Variants in XPO5 observed in about 807,000 individuals in gnomAD.
The protein encoded by XPO5 is exportin 5, also known as exportin-5.
In XPO5, 46 loss-of-function variants were observed where a neutral mutation model predicts 160.6. The ratio of observed to expected loss-of-function variants is 0.29; its 90% CI spans 0.23 to 0.37. The LOEUF (loss-of-function observed/expected upper bound fraction) is 0.37. Ranked by LOEUF, XPO5 falls within the 10% of genes least tolerant of loss-of-function variation. XPO5 has a pLI of 1.00. For missense variants in XPO5, 1,090 were observed against 1,463.9 expected (o/e 0.74, Z 4.17); for synonymous variants, 537 against 519.3 (o/e 1.03, Z -0.46).
At chr6:43,573,441 T>C in intron 2 of XPO5, 39 bp downstream of exon 2, 1 of 1,610,040 alleles carries the variant, frequency 6.2e-7, no homozygotes, top group East Asian at 2.2e-5. Context: ...AAAGATCTGT[T>C]CTCTCAGACT....
At chr6:43,529,069 A>C in intron 23 of XPO5, 144 bp from the exon 24 acceptor site, 1 of 1,107,886 alleles carries the variant, frequency 9.0e-7, no homozygotes, top group Non-Finnish European at 1.3e-6. Flanking sequence ...AAAAAATCTT[A>C]AAGTTCTTTT....
intron 7 of XPO5, chr6:43,566,510 T>C (rs1735154024): frequency 5.9e-6 from 1 of 169,920 alleles, no homozygotes; most frequent in Non-Finnish European, 1.3e-5. Flanking sequence ...TTCCATTGGT[T>C]AGCCAAGACA....
Position 43,547,721 on chromosome 6 carries a change from G to A in XPO5, c.2061-14C>T. ...TCTGACAGCACTCTGAAGGTTGGAG[G>A]GGGAAAAACAAGTTACATCATGACT... On this transcript the variant is annotated splice_polypyrimidine_tract_variant and intron_variant, in intron 18 of 31. Coordinates refer to ENST00000265351, the MANE Select transcript of XPO5 (RefSeq NM_020750.3). 1 of 1,611,332 alleles carries A rather than the reference G, an allele frequency of 6.2e-7. No homozygotes were observed. Among genetic ancestry groups the A allele is most frequent in the Non-Finnish European group, 8.5e-7 (1 of 1,177,646 alleles).
chr6:43,536,129 C>A (rs1475317318), intron 20 of XPO5, among the ~76,000 whole-genome samples: 1 of 147,500 alleles, frequency 6.8e-6, no homozygotes, highest in East Asian at 2.1e-4. Context: ...TCATTCGCTA[C>A]CCTGGCCAGG....
At position 43,524,014 on chromosome 6, in the gene XPO5, A is replaced by G; in HGVS notation, c.3478-9T>C. 6.2e-7 allele frequency: 1 copy of G among 1,610,696 alleles called. No homozygotes were observed. The highest frequency in any genetic ancestry group is 8.5e-7 in the Non-Finnish European group (1 of 1,179,678). ...TGCTCTCCCAAGGGTTTCTGTGGAA[A>G]ACAAATGAGAAAGAATTAATGCTGG... On this transcript the variant is annotated splice_polypyrimidine_tract_variant and intron_variant, in intron 31 of 31. Transcript: ENST00000265351.
At chr6:43,537,155 T>C (rs1030982427) in intron 20 of XPO5, among the ~76,000 whole-genome samples, 10 of 151,630 alleles carry the variant, frequency 6.6e-5, no homozygotes, top group Non-Finnish European at 1.3e-4. Flanking sequence ...TTTTTTTTTT[T>C]TGTAGAGAAA....
chr6:43,530,769 C>G lies in XPO5; in HGVS notation c.2596G>C (p.Glu866Gln). ...CTGAGAAGCTGGGTAGCAAGGTCCTCCACAGTATAGAAGTCTTGCTGCATG... is the reference window on the plus strand; with the variant it reads ...CTGAGAAGCTGGGTAGCAAGGTCCTGCACAGTATAGAAGTCTTGCTGCATG... ...PSMQQDFYTV[E>Q]DLATQLLSSA... Residue 866 changes from glutamate to glutamine, a missense_variant, in exon 23 of 32, where the codon GAG (glutamate) becomes CAG (glutamine). Glu to Gln is a conservative substitution (Grantham distance 29). Transcript: ENST00000265351. 6.2e-7 allele frequency: 1 copy of G among 1,613,894 alleles called. No homozygotes were observed. The highest frequency in any genetic ancestry group is 8.5e-7 in the Non-Finnish European group (1 of 1,179,878).
chr6:43,551,600 C>G, intron 14 of XPO5, 147 bp from the exon 15 acceptor site: 1 of 978,576 alleles, frequency 1.0e-6, no homozygotes, highest in East Asian at 2.5e-5. Context: ...TCATCACTCA[C>G]TGTAACCTCA....
chr6:43,572,510 G>A lies in XPO5; in HGVS notation c.296C>T (p.Ala99Val). The change falls in exon 3 of 32, where the codon GCA (alanine) becomes GTA (valine). Residue 99 changes from alanine (A) to valine (V), a missense_variant. Physicochemically the swap from Ala to Val is moderately conservative, Grantham distance 64. Transcript: ENST00000265351. Reference sequence around the variant, plus strand: ...TCCCAACCACCCATTCCTTACATTTGCAATCAGCTCCATGACACTGTTCTT... The same window carrying A: ...TCCCAACCACCCATTCCTTACATTTACAATCAGCTCCATGACACTGTTCTT... ...YLKNSVMELI[A>V]NGTLNILEEE... 1 of 1,613,774 alleles carries A rather than the reference G, an allele frequency of 6.2e-7. No individual in the cohort carries two copies. Among genetic ancestry groups the A allele is most frequent in the Non-Finnish European group, 8.5e-7 (1 of 1,179,832 alleles).
At chr6:43,552,302 C>T (rs904124042) in intron 14 of XPO5, among the ~76,000 whole-genome samples, 6 of 152,114 alleles carry the variant, frequency 3.9e-5, no homozygotes, top group Non-Finnish European at 8.8e-5. Context: ...AGGTGATCCA[C>T]CCACCTTAGC....
chr6:43,524,523 G>A lies in XPO5; in HGVS notation c.3425C>T (p.Ala1142Val). The A allele has an allele frequency of 6.2e-7, 1 of 1,613,950 alleles. No individual in the cohort carries two copies. The highest frequency in any genetic ancestry group is 8.5e-7 in the Non-Finnish European group (1 of 1,179,878). ...GAATTGGTCCTTTCGGCGCTTGTCA[G>A]CCACTTTCTGCAGGGAGGGGTTTAA... ...KLLNPSLQKVADKRRKDQFKR... is the reference protein window; with the variant it reads ...KLLNPSLQKVVDKRRKDQFKR... Residue 1142 changes from alanine (A) to valine (V), a missense_variant, in exon 31 of 32, where the codon GCT (alanine) becomes GTT (valine). Ala to Val is a moderately conservative substitution (Grantham distance 64). This residue lies in a region of XPO5 where 810 missense variants were observed against 1,139.0 expected (regional missense o/e 0.71). Transcript: ENST00000265351.
intron 20 of XPO5, among the ~76,000 whole-genome samples, chr6:43,541,585 C>T (rs1053270245): frequency 6.6e-6 from 1 of 152,180 alleles, no homozygotes; most frequent in Non-Finnish European, 1.5e-5. Context: ...AGTTGATCTA[C>T]ACTTTCTTCT....
At chr6:43,567,415 G>A in intron 6 of XPO5, 61 bp from the exon 7 acceptor site, 1 of 1,436,580 alleles carries the variant, frequency 7.0e-7, no homozygotes, top group Middle Eastern at 1.9e-4. Flanking sequence ...GGAATCAGTG[G>A]TTATAACTGA....
Position 43,525,092 on chromosome 6 carries a change from G to A in XPO5, c.3174+15C>T. The A allele has an allele frequency of 6.4e-7, 1 of 1,569,850 alleles. No homozygotes were observed. The highest frequency in any genetic ancestry group is 8.6e-7 in the Non-Finnish European group (1 of 1,156,940). On this transcript the variant is annotated intron_variant, in intron 29 of 31. Coordinates refer to ENST00000265351, the MANE Select transcript of XPO5 (RefSeq NM_020750.3). ...CCTTCCATGAGGGGCAGGGAAAAGG[G>A]GTGAATAACCATACTTGTTTGAGGA...
intron 14 of XPO5, among the ~76,000 whole-genome samples, chr6:43,552,028 G>GT (rs1033609418): frequency 3.9e-5 from 6 of 152,092 alleles, no homozygotes; most frequent in African/African-American, 1.4e-4. Context: ...CTTAAATTTT[G>GT]TATTTCTTCA....
In XPO5 at chr6:43,524,912, C is replaced by G; in HGVS notation, c.3231G>C (p.Leu1077=). ...DAVTWLFTSV[L]KGLQMHGQHD... The stretch of plus-strand genomic sequence containing the variant: ...GCTGCCCGTGCATCTGTAAGCCTTT[C>G]AGCACACTGGTGAAAAGCCACGTAA... Residue 1077 remains leucine, a synonymous_variant, in exon 30 of 32, where the codon CTG becomes CTC. Transcript: ENST00000265351. 6.2e-7 allele frequency: 1 copy of G among 1,614,012 alleles called. No homozygotes were observed. The highest frequency in any genetic ancestry group is 8.5e-7 in the Non-Finnish European group (1 of 1,179,898).
At chr6:43,543,320 G>A (rs1794793944) in intron 20 of XPO5, among the ~76,000 whole-genome samples, 1 of 152,118 alleles carries the variant, frequency 6.6e-6, no homozygotes, top group Non-Finnish European at 1.5e-5. Flanking sequence ...GGGCATGGCT[G>A]CTCATGGCTG....
chr6:43,527,733 T>C lies in XPO5; in HGVS notation c.2823-2A>G. The C allele has an allele frequency of 6.2e-7, 1 of 1,613,924 alleles. No homozygotes were observed. Among genetic ancestry groups the C allele is most frequent in the Non-Finnish European group, 8.5e-7 (1 of 1,179,862 alleles). On this transcript the variant is annotated splice_acceptor_variant, in intron 25 of 31. Transcript: ENST00000265351. LOFTEE classifies it high-confidence loss of function. ...TCATCTGCAGCCTCATCTTCTCCAC[T>C]GCAGAAAACCAGGGGGCCAAGTTCC...
intron 11 of XPO5, among the ~76,000 whole-genome samples, chr6:43,559,672 A>G (rs1762302206): frequency 1.3e-5 from 2 of 152,256 alleles, no homozygotes; most frequent in African/African-American, 2.4e-5. Flanking sequence ...ACCTAGCCCA[A>G]TACTTATGAT....
Sources: allele counts gnomAD v4.1 joint callset (sites outside exome capture counted in the v4.1 genomes callset), GRCh38; gene constraint gnomAD v4.1.1; regional missense constraint gnomAD v4.1.1; transcripts MANE v1.5; gene names NCBI Gene and HGNC (gene_info 2026-07-23, HGNC 2026-07-21).